The following COL8A1 variants were observed in gnomAD, a reference collection of about 807,000 sequenced individuals.
COL8A1 encodes collagen alpha-1(VIII) chain.
A neutral mutation model predicts 42.7 loss-of-function variants in COL8A1; 21 were observed. The ratio of observed to expected loss-of-function variants is 0.49; its 90% CI spans 0.35 to 0.71. The LOEUF (loss-of-function observed/expected upper bound fraction) is 0.71. Among genes scored for constraint, COL8A1 ranks in the 30% least tolerant of loss-of-function variants. COL8A1 has a pLI of 0.01. For missense variants in COL8A1, 788 were observed against 962.4 expected (o/e 0.82, Z 2.40); for synonymous variants, 367 against 369.1 (o/e 0.99, Z 0.06).
chr3:99,735,097 C>G (rs978373334), intron 1 of COL8A1, among the ~76,000 whole-genome samples: 1 of 149,178 alleles, frequency 6.7e-6, no homozygotes, highest in Non-Finnish European at 1.5e-5. Flanking sequence ...CATCTGCAAA[C>G]AGGGACAATT....
At chr3:99,690,936 A>C (rs1415502708) in intron 1 of COL8A1, among the ~76,000 whole-genome samples, 1 of 152,184 alleles carries the variant, frequency 6.6e-6, no homozygotes, top group African/African-American at 2.4e-5. Context: ...TTTCCTAACA[A>C]CCACAGTTGA....
At chr3:99,658,598 AAC>A (rs1938103718) in intron 1 of COL8A1, among the ~76,000 whole-genome samples, 1 of 152,192 alleles carries the variant, frequency 6.6e-6, no homozygotes. Flanking sequence ...CAGAGCCTGA[AAC>A]CAAGTGCAGG....
intron 1 of COL8A1, among the ~76,000 whole-genome samples, chr3:99,649,586 C>CA (rs1937772893): frequency 6.6e-6 from 1 of 152,060 alleles, no homozygotes; most frequent in Non-Finnish European, 1.5e-5. Context: ...AAATGAACAT[C>CA]TTAGAAAGAA....
chr3:99,703,095 A>C (rs1939585902), intron 1 of COL8A1, among the ~76,000 whole-genome samples: 1 of 152,320 alleles, frequency 6.6e-6, no homozygotes, highest in Admixed American at 6.5e-5. Flanking sequence ...AGGACCTCAT[A>C]ATGCATCAGC....
At chr3:99,680,971 C>T (rs1200497586) in intron 1 of COL8A1, among the ~76,000 whole-genome samples, 1 of 152,072 alleles carries the variant, frequency 6.6e-6, no homozygotes, top group East Asian at 1.9e-4. Flanking sequence ...TTCCTTACAC[C>T]TTATACAAAA....
intron 1 of COL8A1, among the ~76,000 whole-genome samples, chr3:99,744,149 C>T (rs1243542005): frequency 6.6e-6 from 1 of 152,148 alleles, no homozygotes; most frequent in African/African-American, 2.4e-5. Flanking sequence ...CCAGGATGGT[C>T]TCAATCTCCT....
intron 1 of COL8A1, among the ~76,000 whole-genome samples, chr3:99,645,055 G>A (rs1937617511): frequency 6.6e-6 from 1 of 152,208 alleles, no homozygotes; most frequent in South Asian, 2.1e-4. Flanking sequence ...GCTGACCGAA[G>A]AGCACTGTGA....
At chr3:99,650,639 G>A (rs775156093) in intron 1 of COL8A1, among the ~76,000 whole-genome samples, 11 of 152,038 alleles carry the variant, frequency 7.2e-5, no homozygotes, top group Non-Finnish European at 1.5e-4. Flanking sequence ...TCACCATGTT[G>A]CCTAAGATAG....
chr3:99,707,321 A>T (rs1939708488), intron 1 of COL8A1, among the ~76,000 whole-genome samples: 1 of 152,212 alleles, frequency 6.6e-6, no homozygotes, highest in African/African-American at 2.4e-5. Context: ...GCAGTACAGC[A>T]CTTTCTGAGC....
At chr3:99,768,199 C>T (rs993686912) in intron 2 of COL8A1, among the ~76,000 whole-genome samples, 2 of 152,102 alleles carry the variant, frequency 1.3e-5, no homozygotes, top group South Asian at 2.1e-4. Flanking sequence ...TAAGGAATAC[C>T]GAAAGACATT....
chr3:99,739,959 T>C (rs1940851556), intron 1 of COL8A1, among the ~76,000 whole-genome samples: 1 of 152,218 alleles, frequency 6.6e-6, no homozygotes, highest in Non-Finnish European at 1.5e-5. Context: ...TTGAACACTT[T>C]GCCACTTAGA....
At chr3:99,719,103 G>T (rs537567907) in intron 1 of COL8A1, among the ~76,000 whole-genome samples, 1 of 152,118 alleles carries the variant, frequency 6.6e-6, no homozygotes, top group African/African-American at 2.4e-5. Flanking sequence ...AATAGCACTA[G>T]CTCAGAGATT....
At chr3:99,762,045 G>A (rs977227526) in intron 2 of COL8A1, among the ~76,000 whole-genome samples, 2 of 152,000 alleles carry the variant, frequency 1.3e-5, no homozygotes, top group Non-Finnish European at 2.9e-5. Context: ...GCTTTCTTCT[G>A]CTTTTTCTTC....
intron 1 of COL8A1, among the ~76,000 whole-genome samples, chr3:99,690,557 C>T (rs1252782085): frequency 6.6e-6 from 1 of 152,088 alleles, no homozygotes; most frequent in Non-Finnish European, 1.5e-5. Flanking sequence ...TGCCTTGCAC[C>T]CCCAGGGACT....
At chr3:99,779,713 C>G (rs1941759384) in intron 2 of COL8A1, among the ~76,000 whole-genome samples, 1 of 152,198 alleles carries the variant, frequency 6.6e-6, no homozygotes, top group African/African-American at 2.4e-5. Context: ...CCTTGCCTTT[C>G]TTCAGACAAA....
intron 2 of COL8A1, among the ~76,000 whole-genome samples, chr3:99,788,960 T>C (rs1941946983): frequency 6.6e-6 from 1 of 152,156 alleles, no homozygotes. Context: ...TCACCCCCAC[T>C]AAGAGTACAA....
chr3:99,736,471 C>T (rs1940719025), intron 1 of COL8A1, among the ~76,000 whole-genome samples: 1 of 152,052 alleles, frequency 6.6e-6, no homozygotes. Context: ...CATATTTCTG[C>T]CTTCATTTCG....
chr3:99,774,229 C>T (rs1232290740), intron 2 of COL8A1, among the ~76,000 whole-genome samples: 2 of 150,580 alleles, frequency 1.3e-5, no homozygotes, highest in African/African-American at 4.9e-5. Flanking sequence ...ACAAGTAGAA[C>T]CCAGCAGTAA....
chr3:99,671,983 G>A (rs1024025517), intron 1 of COL8A1, among the ~76,000 whole-genome samples: 10 of 152,030 alleles, frequency 6.6e-5, no homozygotes, highest in African/African-American at 2.4e-4. Flanking sequence ...AAAAGCAGGT[G>A]TTTGGAAACT....
Sources: allele counts gnomAD v4.1 joint callset (sites outside exome capture counted in the v4.1 genomes callset), GRCh38; gene constraint gnomAD v4.1.1; transcripts MANE v1.5; gene names NCBI Gene and HGNC (gene_info 2026-07-23, HGNC 2026-07-21).